MYO3B: variants seen among roughly 807,000 people sequenced by gnomAD.
MYO3B encodes myosin-IIIb.
MYO3B carries 156 observed loss-of-function variants against 174.6 expected under a neutral mutation model. The ratio of observed to expected loss-of-function variants is 0.89; its 90% confidence interval spans 0.78 to 1.02. The LOEUF (loss-of-function observed/expected upper bound fraction) is 1.02, where lower values mean the gene tolerates loss of function less well. MYO3B is among the 50% of genes least tolerant of loss of function. MYO3B has a pLI of 0.00. For synonymous variants in MYO3B, 563 were observed against 569.1 expected (o/e 0.99, Z 0.15); for missense variants, 1,632 against 1,639.4 (o/e 1.00, Z 0.08).
chr2:170,457,484 CT>C (rs1278327371), intron 23 of MYO3B, among the ~76,000 whole-genome samples: 1 of 151,652 alleles, frequency 6.6e-6, no homozygotes, highest in African/African-American at 2.4e-5. Context: ...AAATTTTTTA[CT>C]TTTATTTTTA....
At chr2:170,243,743 G>A (rs1251072468) in intron 7 of MYO3B, among the ~76,000 whole-genome samples, 1 of 152,142 alleles carries the variant, frequency 6.6e-6, no homozygotes, top group Non-Finnish European at 1.5e-5. Flanking sequence ...AGAATTGAAA[G>A]CTTCTATTCA....
chr2:170,611,765 T>C (rs1053595738), intron 32 of MYO3B, among the ~76,000 whole-genome samples: 2 of 152,220 alleles, frequency 1.3e-5, no homozygotes, highest in Admixed American at 6.5e-5. Flanking sequence ...CTCTTTTTCA[T>C]AGGGAACTTG....
At chr2:170,641,560 A>T (rs1176009918) in intron 32 of MYO3B, 3 of 152,184 alleles carry the variant, frequency 2.0e-5, no homozygotes, top group African/African-American at 7.2e-5. Context: ...TTCTGTGACC[A>T]AAATAGGAAA....
chr2:170,207,419 T>C (rs763249827), intron 3 of MYO3B, among the ~76,000 whole-genome samples: 5 of 152,122 alleles, frequency 3.3e-5, no homozygotes, highest in Non-Finnish European at 1.5e-5. Flanking sequence ...GGGGTGGGGA[T>C]AGCTCAAAAG....
chr2:170,475,055 G>A (rs1034630673), intron 25 of MYO3B, among the ~76,000 whole-genome samples: 5 of 152,226 alleles, frequency 3.3e-5, no homozygotes, highest in Non-Finnish European at 5.9e-5. Flanking sequence ...ATTGAAAATA[G>A]TTTCCAGCTC....
At chr2:170,445,656 C>T (rs2094836159) in intron 23 of MYO3B, among the ~76,000 whole-genome samples, 1 of 151,544 alleles carries the variant, frequency 6.6e-6, no homozygotes, top group Non-Finnish European at 1.5e-5. Context: ...TTTTTTTAGA[C>T]AAGTTCTCAC....
intron 30 of MYO3B, among the ~76,000 whole-genome samples, chr2:170,541,509 G>A (rs77167045): frequency 0.017 from 2,620 of 152,262 alleles, 62 homozygotes; most frequent in East Asian, 0.089. Context: ...TTATCTGTAT[G>A]ATAGATACAA....
chr2:170,650,019 CTTTTTTTTTTTTTTT>C (rs1017785949), intron 32 of MYO3B: 1 of 65,606 alleles, frequency 1.5e-5, no homozygotes. Context: ...ATGTGATAGT[CTTTTTTTTTTTTTTT>C]TTTTTTTTTT....
intron 32 of MYO3B, among the ~76,000 whole-genome samples, chr2:170,584,211 G>T (rs1693353268): frequency 6.6e-6 from 1 of 152,224 alleles, no homozygotes. Context: ...CTCTAATTCT[G>T]TGGTGTATCT....
chr2:170,195,056 T>C (rs985685370), intron 1 of MYO3B, among the ~76,000 whole-genome samples: 8 of 151,968 alleles, frequency 5.3e-5, no homozygotes, highest in Non-Finnish European at 1.2e-4. Flanking sequence ...CCCACCTAGA[T>C]TGAGTGTGGG....
chr2:170,436,363 C>T lies in MYO3B; in HGVS notation c.2651-7604C>T, dbSNP rs185435660. 7.0e-4 allele frequency among the ~76,000 whole-genome samples: 107 copies of T among 152,126 alleles called. 1 individual carries two copies. Among genetic ancestry groups the T allele is most frequent in the Non-Finnish European group, 1.3e-3 (89 of 68,004 alleles). On this transcript the variant is annotated intron_variant, in intron 22 of 34. Transcript: ENST00000408978. ...GTTATGTTTCTGAAAGGTGTGTGTG[C>T]GCATCTGCTGAGGTCTATTGTTTAT... is the stretch of plus-strand genomic sequence containing the variant.
At chr2:170,213,338 TGA>T (rs1242216653) in intron 3 of MYO3B, among the ~76,000 whole-genome samples, 1 of 152,112 alleles carries the variant, frequency 6.6e-6, no homozygotes, top group Non-Finnish European at 1.5e-5. Context: ...GGGGTCCGCG[TGA>T]GAGAGTCGTG....
At chr2:170,307,495 A>G (rs1403395635) in intron 7 of MYO3B, among the ~76,000 whole-genome samples, 1 of 152,210 alleles carries the variant, frequency 6.6e-6, no homozygotes, top group Non-Finnish European at 1.5e-5. Flanking sequence ...AATGTATTGC[A>G]TATCAGTGGT....
chr2:170,645,588 C>A (rs1698305718), intron 32 of MYO3B, among the ~76,000 whole-genome samples: 1 of 151,696 alleles, frequency 6.6e-6, no homozygotes, highest in South Asian at 2.1e-4. Flanking sequence ...TATCTTAATG[C>A]AAACTGACTG....
At chr2:170,444,743 C>T (rs2094828017) in intron 23 of MYO3B, among the ~76,000 whole-genome samples, 1 of 152,156 alleles carries the variant, frequency 6.6e-6, no homozygotes, top group Non-Finnish European at 1.5e-5. Context: ...GAATAAAAGA[C>T]TTATTTGCAG....
chr2:170,646,894 T>A (rs1276576376), intron 32 of MYO3B: 1 of 1,352,320 alleles, frequency 7.4e-7, no homozygotes, highest in African/African-American at 1.5e-5. Flanking sequence ...TATATTTCTC[T>A]GTCTCTCGCC....
Position 170,402,432 on chromosome 2 carries a change from T to C in MYO3B, c.2130-416T>C, listed in dbSNP as rs545807607. Among the ~76,000 whole-genome samples the C allele has an allele frequency of 5.2e-4, 79 of 152,330 alleles. 1 individual carries two copies. The highest frequency in any genetic ancestry group is 8.2e-4 in the Non-Finnish European group (56 of 68,032). ...CTTCTTCAACTACTTTTCCTTGCTC[T>C]TTCCTAGGCGTAGTGGTTTCCTATA... On this transcript the variant is annotated intron_variant, in intron 18 of 34. Transcript: ENST00000408978.
At chr2:170,601,324 C>T (rs953476204) in intron 32 of MYO3B, among the ~76,000 whole-genome samples, 2 of 152,150 alleles carry the variant, frequency 1.3e-5, no homozygotes, top group African/African-American at 4.8e-5. Flanking sequence ...CCATATATAA[C>T]TAATTTGTGC....
intron 7 of MYO3B, among the ~76,000 whole-genome samples, chr2:170,305,266 C>T (rs576229976): frequency 3.3e-5 from 5 of 152,010 alleles, no homozygotes; most frequent in Admixed American, 2.0e-4. Flanking sequence ...TACACTAAAA[C>T]GTTACATACA....
Sources: gnomAD v4.1 joint callset for allele counts (sites outside exome capture counted in the v4.1 genomes callset) on GRCh38, gnomAD v4.1.1 for gene constraint, MANE v1.5 for transcripts, NCBI Gene and HGNC (gene_info 2026-07-23, HGNC 2026-07-21) for gene names.